The following TMEM132D variants were observed in gnomAD, a reference collection of about 807,000 sequenced individuals.
The protein encoded by TMEM132D is mature OL transmembrane protein.
In TMEM132D, 21 loss-of-function variants were observed where a neutral mutation model predicts 62.3. The ratio of observed to expected loss-of-function variants is 0.34; its 90% CI spans 0.24 to 0.49. The LOEUF (loss-of-function observed/expected upper bound fraction) is 0.49. Among genes scored for constraint, TMEM132D ranks in the 20% least tolerant of loss-of-function variants. The pLI, the probability that TMEM132D is intolerant of heterozygous loss-of-function variation, is 0.99. For synonymous variants in TMEM132D, 621 were observed against 575.6 expected, an observed-to-expected ratio of 1.08 and a Z score of -1.13; for missense variants, 1,346 against 1,402.8, an observed-to-expected ratio of 0.96 and a Z score of 0.65.
intron 2 of TMEM132D, among the ~76,000 whole-genome samples, chr12:129,645,027 T>C (rs1879738584): frequency 6.6e-6 from 1 of 151,620 alleles, no homozygotes; most frequent in South Asian, 2.1e-4. Flanking sequence ...CAAACATATT[T>C]TGAAACGGCT....
chr12:129,695,824 A>G (rs1416791527), intron 2 of TMEM132D, among the ~76,000 whole-genome samples: 4 of 152,250 alleles, frequency 2.6e-5, no homozygotes, highest in African/African-American at 9.6e-5. Context: ...AGAGTTGCTG[A>G]GAGGCTGCTG....
chr12:129,898,838 C>T lies in TMEM132D; in HGVS notation c.79+4423G>A, dbSNP rs185006253. Among the ~76,000 whole-genome samples, 7 of 152,260 alleles carry T rather than the reference C, an allele frequency of 4.6e-5. No homozygotes were observed. The East Asian group carries it at 1.4e-3, about 29-fold the overall frequency. On this transcript the variant is annotated intron_variant, in intron 1 of 8. Transcript: ENST00000422113. ...CGGTATGGGGTGCATTGTTGGTGCT[C>T]AGAAGGCAGTTACTGTTATGAAATA...
At chr12:129,147,303 T>C (rs1214647472) in intron 5 of TMEM132D, among the ~76,000 whole-genome samples, 1 of 150,132 alleles carries the variant, frequency 6.7e-6, no homozygotes, top group Non-Finnish European at 1.5e-5. Flanking sequence ...TGTATATATA[T>C]ACATATGTGT....
At chr12:129,197,721 G>T (rs796288763) in intron 5 of TMEM132D, among the ~76,000 whole-genome samples, 45 of 152,342 alleles carry the variant, frequency 3.0e-4, no homozygotes, top group African/African-American at 1.1e-3. Flanking sequence ...TGTATGAGTT[G>T]TGTCTGGGCA....
chr12:129,699,755 G>C (rs1593125581), intron 2 of TMEM132D, 55 bp downstream of exon 2: 3 of 1,582,496 alleles, frequency 1.9e-6, no homozygotes, highest in East Asian at 4.5e-5. Context: ...ACAGCTTCTG[G>C]AAAACACCAC....
chr12:129,708,548 G>T (rs1198030384), intron 1 of TMEM132D, among the ~76,000 whole-genome samples: 9 of 140,524 alleles, frequency 6.4e-5, no homozygotes, highest in African/African-American at 2.1e-4. Context: ...CCCCAGCCCA[G>T]CTGTCACAAC....
chr12:129,813,349 T>C (rs755103951), intron 1 of TMEM132D, among the ~76,000 whole-genome samples: 5 of 151,710 alleles, frequency 3.3e-5, no homozygotes, highest in Non-Finnish European at 7.4e-5. Context: ...ACCATCCAAT[T>C]TCCCTGCTTA....
intron 3 of TMEM132D, among the ~76,000 whole-genome samples, chr12:129,511,672 T>C (rs1452155215): frequency 2.0e-5 from 3 of 152,252 alleles, no homozygotes; most frequent in Non-Finnish European, 4.4e-5. Context: ...TTGCCCATTT[T>C]TTAACTGGGT....
intron 2 of TMEM132D, among the ~76,000 whole-genome samples, chr12:129,691,322 T>C (rs1328101897): frequency 6.6e-6 from 1 of 151,562 alleles, no homozygotes; most frequent in Admixed American, 6.6e-5. Flanking sequence ...AGAAGGAAAT[T>C]ATACAAATTA....
chr12:129,749,945 G>A (rs1869945107), intron 1 of TMEM132D, among the ~76,000 whole-genome samples: 1 of 152,132 alleles, frequency 6.6e-6, no homozygotes, highest in African/African-American at 2.4e-5. Context: ...CCTTCCTGTG[G>A]CAGTGGTTAG....
chr12:129,207,612 C>T (rs1878893740), intron 5 of TMEM132D, among the ~76,000 whole-genome samples: 1 of 152,084 alleles, frequency 6.6e-6, no homozygotes, highest in Non-Finnish European at 1.5e-5. Flanking sequence ...ACAGGAGTGG[C>T]CGAGTCTCCA....
At chr12:129,239,774 A>G (rs548911503) in intron 4 of TMEM132D, among the ~76,000 whole-genome samples, 4 of 152,330 alleles carry the variant, frequency 2.6e-5, no homozygotes, top group African/African-American at 9.6e-5. Flanking sequence ...GAGACAGAGC[A>G]TGGTTCTGCT....
At chr12:129,456,059 C>T (rs372240372) in intron 3 of TMEM132D, among the ~76,000 whole-genome samples, 2 of 152,076 alleles carry the variant, frequency 1.3e-5, no homozygotes, top group South Asian at 2.1e-4. Context: ...ACCATGTGAC[C>T]GGGTGGATGG....
chr12:129,084,572 G>A lies in TMEM132D; in HGVS notation c.1574C>T (p.Pro525Leu), dbSNP rs1874553711. 3.1e-6 allele frequency: 5 copies of A among 1,614,006 alleles called. No homozygotes were observed. The highest frequency in any genetic ancestry group is 4.2e-6 in the Non-Finnish European group (5 of 1,179,958). ...GGTGTCGGAGACCTCGATCTGCAGCGGAAGCCGGGGCACCCACACCGTCAT... is the reference window on the plus strand; with the variant it reads ...GGTGTCGGAGACCTCGATCTGCAGCAGAAGCCGGGGCACCCACACCGTCAT... ...LEMTVWVPRL[P>L]LQIEVSDTEL... is the part of the protein sequence containing the mutation. The change falls in exon 6 of 9, where the codon CCG (proline) becomes CTG (leucine). Residue 525 changes from proline to leucine, a missense_variant. Coordinates refer to ENST00000422113, the MANE Select transcript of TMEM132D (RefSeq NM_133448.3).
intron 1 of TMEM132D, among the ~76,000 whole-genome samples, chr12:129,703,708 G>A (rs1049926808): frequency 1.3e-5 from 2 of 152,150 alleles, no homozygotes; most frequent in Non-Finnish European, 2.9e-5. Flanking sequence ...TTCCGTGGCT[G>A]TAATTCTTAC....
intron 2 of TMEM132D, among the ~76,000 whole-genome samples, chr12:129,654,373 G>GT (rs1466397377): frequency 2.8e-5 from 4 of 140,740 alleles, no homozygotes; most frequent in African/African-American, 1.0e-4. Flanking sequence ...AGAAACTTTG[G>GT]TACAGGTGTT....
chr12:129,396,868 T>C (rs1417310399), intron 3 of TMEM132D, among the ~76,000 whole-genome samples: 1 of 152,216 alleles, frequency 6.6e-6, no homozygotes, highest in African/African-American at 2.4e-5. Flanking sequence ...AGGCAATCTA[T>C]GCCTATCTTG....
At chr12:129,231,004 A>T (rs974624603) in intron 4 of TMEM132D, among the ~76,000 whole-genome samples, 6 of 152,234 alleles carry the variant, frequency 3.9e-5, no homozygotes, top group Admixed American at 3.9e-4. Context: ...AGGGTTAGGA[A>T]AAATCTTTGA....
chr12:129,620,860 A>G (rs1171408853), intron 2 of TMEM132D, among the ~76,000 whole-genome samples: 1 of 152,204 alleles, frequency 6.6e-6, no homozygotes, highest in African/African-American at 2.4e-5. Context: ...TAGAAAAACT[A>G]GCTGATGCAC....
Sources: gnomAD v4.1 joint callset for allele counts (sites outside exome capture counted in the v4.1 genomes callset) on GRCh38, gnomAD v4.1.1 for gene constraint, MANE v1.5 for transcripts, NCBI Gene and HGNC (gene_info 2026-07-23, HGNC 2026-07-21) for gene names.